Variants in ESPL1 observed in about 807,000 individuals in gnomAD.
The protein encoded by ESPL1 is extra spindle pole bodies like 1, separase, also known as separin.
Under a neutral mutation model 217.2 loss-of-function variants are expected in ESPL1, and 50 were observed. The ratio of observed to expected loss-of-function variants is 0.23; its 90% CI spans 0.18 to 0.29. The LOEUF is 0.29. Among genes scored for constraint, ESPL1 ranks in the 10% least tolerant of loss-of-function variants. The pLI, the probability that ESPL1 is intolerant of heterozygous loss-of-function variation, is 1.00. For missense variants in ESPL1, 1,834 were observed against 2,603.0 expected, an observed-to-expected ratio of 0.70 and a Z score of 6.43; for synonymous variants, 994 against 1,081.3, an observed-to-expected ratio of 0.92 and a Z score of 1.58.
chr12:53,269,139 C>T lies in ESPL1; in HGVS notation c.197C>T (p.Ala66Val), dbSNP rs1943620132. Residue 66 changes from alanine (A) to valine (V), a missense_variant, in exon 3 of 31, where the codon GCT (alanine) becomes GTT (valine). By Grantham distance (64) the Ala-to-Val change is moderately conservative. This residue lies in a region of ESPL1 where 746 missense variants were observed against 1,077.0 expected (regional missense o/e 0.69). Coordinates refer to ENST00000257934, the MANE Select transcript of ESPL1 (RefSeq NM_012291.5). The surrounding 1 kb of genome is among the most constrained non-coding windows in gnomAD (Gnocchi z 6.7). ...AACCAGCAGCTGACTGCTAAGCTAG[C>T]TTGCCCTAGGCATCTGGGGAGCCTG... ...ACNQQLTAKL[A>V]CPRHLGSLLE... The T allele has an allele frequency of 3.1e-6, 5 of 1,614,218 alleles. No individual in the cohort carries two copies. The Admixed American group carries it at 5.0e-5, about 16-fold the overall frequency.
chr12:53,292,179 G>T lies in ESPL1; in HGVS notation c.5796+91G>T. 2 of 1,409,982 alleles carry T rather than the reference G, an allele frequency of 1.4e-6. No individual in the cohort carries two copies. The highest frequency in any genetic ancestry group is 2.0e-6 in the Non-Finnish European group (2 of 994,808). 87.3% of individuals were successfully genotyped at this position (1,409,982 alleles called of 1,614,324 possible). ...AGAGAAACCTGAGAAGATAGGAGAG[G>T]GTCCTAGGAATGGCTCAGACATGGA... is the stretch of plus-strand genomic sequence containing the variant. On this transcript the variant is annotated intron_variant, in intron 27 of 30. Transcript: ENST00000257934. The surrounding 1 kb of genome is among the most constrained non-coding windows in gnomAD (Gnocchi z 4.5).
In ESPL1 at chr12:53,276,692, C is replaced by T. The variant is rs1943770260; in HGVS notation, c.1773C>T (p.Ala591=). The T allele has an allele frequency of 1.2e-6, 2 of 1,613,406 alleles. No individual in the cohort carries two copies. The highest frequency in any genetic ancestry group is 2.7e-5 in the African/African-American group (2 of 75,038). ...TCCTGCTGAGGGAGGAGCTGCAGGC[C>T]TACAAGGCGGTGCGGGCCGACACTG... ...LALLLREELQ[A]YKAVRADTGQ... is the part of the protein sequence containing the mutation. Residue 591 remains alanine, a synonymous_variant, in exon 8 of 31, where the codon GCC becomes GCT. Transcript: ENST00000257934.
At chr12:53,285,575 G>C (rs980905121) in intron 17 of ESPL1, among the ~76,000 whole-genome samples, 5 of 152,094 alleles carry the variant, frequency 3.3e-5, no homozygotes, top group Admixed American at 6.5e-5. Context: ...CGGGCGTGGT[G>C]GTGGGCGCCT....
chr12:53,289,614 G>A lies in ESPL1; in HGVS notation c.5113+20G>A. ...CCAGTGGTATGCGGGCAGCCTTCTGGCCGGCTCCTCTGTCCTCTTCTGCAT... is the reference window on the plus strand; with the variant it reads ...CCAGTGGTATGCGGGCAGCCTTCTGACCGGCTCCTCTGTCCTCTTCTGCAT... On this transcript the variant is annotated intron_variant, in intron 22 of 30. Transcript: ENST00000257934. The A allele has an allele frequency of 6.2e-7, 1 of 1,605,054 alleles. No individual in the cohort carries two copies. The highest frequency in any genetic ancestry group is 1.1e-5 in the South Asian group (1 of 90,594).
rs552155175 is a variant in ESPL1 at position 53,288,666 on chromosome 12, C to A, written c.4675C>A (p.Arg1559=). ...GGAGAGTGACAAGGACCTTGGTCCT[C>A]GGCTCCGGCTCCCCTCAGCCCCCGT... is the stretch of plus-strand genomic sequence containing the variant. ...DKESDKDLGP[R]LRLPSAPVAT... is the part of the protein sequence containing the mutation. The change falls in exon 20 of 31, where the codon CGG becomes AGG. Residue 1559 remains arginine, a synonymous_variant. Transcript: ENST00000257934. 6.2e-7 allele frequency: 1 copy of A among 1,613,428 alleles called. No individual in the cohort carries two copies. Among genetic ancestry groups the A allele is most frequent in the Non-Finnish European group, 8.5e-7 (1 of 1,179,870 alleles).
At chr12:53,273,970 T>G (rs992274631) in intron 6 of ESPL1, 11 of 139,440 alleles carry the variant, frequency 7.9e-5, no homozygotes, top group African/African-American at 2.9e-4. Flanking sequence ...ATTCTCTGCC[T>G]CAGCCTCCTG....
rs375695868 is a variant in ESPL1, at chr12:53,289,616, C to T, written c.5113+22C>T. 1.7e-5 allele frequency: 27 copies of T among 1,602,856 alleles called. No individual in the cohort carries two copies. The African/African-American group carries it at 1.7e-4, about 10-fold the overall frequency. On this transcript the variant is annotated intron_variant, in intron 22 of 30. Coordinates refer to ENST00000257934, the MANE Select transcript of ESPL1 (RefSeq NM_012291.5). Reference sequence around the variant, plus strand: ...AGTGGTATGCGGGCAGCCTTCTGGCCGGCTCCTCTGTCCTCTTCTGCATCT... The same window carrying T: ...AGTGGTATGCGGGCAGCCTTCTGGCTGGCTCCTCTGTCCTCTTCTGCATCT...
Position 53,293,069 on chromosome 12 carries a change from T to G in ESPL1, c.6161+99T>G. 4.9e-6 allele frequency: 6 copies of G among 1,223,992 alleles called. No homozygotes were observed. Among genetic ancestry groups the G allele is most frequent in the Non-Finnish European group, 6.9e-6 (6 of 872,468 alleles). 75.8% of individuals were successfully genotyped at this position (1,223,992 alleles called of 1,614,324 possible). ...TGAATCTTGCCTCTCTTGTGCCCCA[T>G]TTTCCTCCTATCCTAGTTAGTTCCC... On this transcript the variant is annotated intron_variant, in intron 30 of 30. Transcript: ENST00000257934. This position sits in a 1 kb window ranked among gnomAD's most constrained non-coding sequence, Gnocchi z 4.2.
At chr12:53,279,993 T>C (rs553405320) in intron 12 of ESPL1, 127 bp downstream of exon 12, 5 of 1,118,204 alleles carry the variant, frequency 4.5e-6, no homozygotes, top group Non-Finnish European at 6.2e-6. Context: ...GGCTGGAGAA[T>C]TGTGGAGTGT....
chr12:53,288,823 C>T, intron 20 of ESPL1, 124 bp downstream of exon 20: 1 of 771,502 alleles, frequency 1.3e-6, no homozygotes, highest in Non-Finnish European at 2.0e-6. Context: ...TGTGTTTGAA[C>T]CCCAGCACTC....
At chr12:53,289,999 G>A in intron 22 of ESPL1, 86 bp from the exon 23 acceptor site, 4 of 1,497,664 alleles carry the variant, frequency 2.7e-6, no homozygotes, top group South Asian at 2.5e-5. Flanking sequence ...ATGCTGGCTT[G>A]AGTGATGGAT....
chr12:53,277,035 G>A, intron 8 of ESPL1, 48 bp from the exon 9 acceptor site: 3 of 1,598,220 alleles, frequency 1.9e-6, no homozygotes, highest in Non-Finnish European at 2.6e-6. Flanking sequence ...AGGGCGCTAT[G>A]GCAGATACTC....
chr12:53,268,974 A>G (rs1943617397), intron 2 of ESPL1, 50 bp from the exon 3 acceptor site: 2 of 1,529,708 alleles, frequency 1.3e-6, no homozygotes, highest in African/African-American at 1.4e-5. Context: ...TACTTTCTCT[A>G]CCTCTTTCCT....
chr12:53,268,717 C>A, intron 1 of ESPL1, 38 bp from the exon 2 acceptor site: 1 of 1,270,628 alleles, frequency 7.9e-7, no homozygotes. Flanking sequence ...CAGTTAGCTT[C>A]ATTAACAATC....
At chr12:53,268,659 T>C (rs1943610783) in intron 1 of ESPL1, 96 bp from the exon 2 acceptor site, 3 of 685,856 alleles carry the variant, frequency 4.4e-6, no homozygotes, top group Admixed American at 2.8e-5. Flanking sequence ...AAATTTCTGA[T>C]GTGATTCTTT....
intron 6 of ESPL1, among the ~76,000 whole-genome samples, 186 bp downstream of exon 6, chr12:53,273,043 T>TG (rs1429120536): frequency 2.7e-5 from 4 of 149,862 alleles, no homozygotes; most frequent in African/African-American, 9.9e-5. Flanking sequence ...ATTTTTTTTT[T>TG]TTTTTTTTTT....
Position 53,286,657 on chromosome 12 carries a change from C to T in ESPL1, c.3921C>T (p.Pro1307=), listed in dbSNP as rs765329414. 10 of 1,614,162 alleles carry T rather than the reference C, an allele frequency of 6.2e-6. No homozygotes were observed. The highest frequency in any genetic ancestry group is 2.2e-5 in the East Asian group (1 of 44,886). Reference sequence around the variant, plus strand: ...TAAAAAGTGTCCCTGGCTCAGAGCCCTCTAAGACTCAGGGCCAAAAACGTT... The same window carrying T: ...TAAAAAGTGTCCCTGGCTCAGAGCCTTCTAAGACTCAGGGCCAAAAACGTT... ...PLIKSVPGSE[P]SKTQGQKRSG... Residue 1307 remains proline (P), a synonymous_variant, in exon 18 of 31, where the codon CCC becomes CCT. Coordinates refer to ENST00000257934, the MANE Select transcript of ESPL1 (RefSeq NM_012291.5). The surrounding 1 kb of genome is among the most constrained non-coding windows in gnomAD (Gnocchi z 5.3).
chr12:53,284,220 C>T (rs1416380209), intron 17 of ESPL1, 53 bp downstream of exon 17: 7 of 1,043,986 alleles, frequency 6.7e-6, no homozygotes, highest in Admixed American at 3.5e-5. Flanking sequence ...ACACACACTA[C>T]AGCACATCTT....
At chr12:53,290,799 T>C (rs1944042740) in intron 24 of ESPL1, 42 bp from the exon 25 acceptor site, 3 of 1,060,246 alleles carry the variant, frequency 2.8e-6, no homozygotes, top group South Asian at 4.1e-5. Context: ...AGAAAGAAGC[T>C]TGGTTTCCTC....
Sources: allele counts gnomAD v4.1 joint callset (sites outside exome capture counted in the v4.1 genomes callset), GRCh38; gene constraint gnomAD v4.1.1; regional missense constraint gnomAD v4.1.1; non-coding constraint Gnocchi (gnomAD v3.1); transcripts MANE v1.5; gene names NCBI Gene and HGNC (gene_info 2026-07-23, HGNC 2026-07-21).